Variants in MIS18A observed in about 807,000 individuals in gnomAD.
MIS18A encodes the protein protein Mis18-alpha.
A neutral mutation model predicts 25.0 loss-of-function variants in MIS18A; 14 were observed. The observed-to-expected ratio is 0.56, with a 90% CI of 0.37 to 0.88. The LOEUF is 0.88. Among genes scored for constraint, MIS18A ranks in the 40% least tolerant of loss-of-function variants. The pLI is 0.00. For missense variants in MIS18A, 292 were observed against 290.8 expected, an observed-to-expected ratio of 1.00 and a Z score of -0.03; for synonymous variants, 134 against 118.6, an observed-to-expected ratio of 1.13 and a Z score of -0.84.
In MIS18A at chr21:32,274,813, A is replaced by C. The variant is rs913222550; in HGVS notation, c.401+17T>G. The C allele has an allele frequency of 6.3e-7, 1 of 1,587,576 alleles. No individual in the cohort carries two copies. The highest frequency in any genetic ancestry group is 1.3e-5 in the African/African-American group (1 of 74,166). ...GAAAATTCTCTAACATATTCATATA[A>C]ATACAGTTTTACTCACCAACCATTT... On this transcript the variant is annotated intron_variant, in intron 2 of 4. Coordinates refer to ENST00000290130, the MANE Select transcript of MIS18A (RefSeq NM_018944.3).
At chr21:32,173,777 G>C in the MIS18A span, among the ~76,000 whole-genome samples, 1 of 151,964 alleles carries the variant, frequency 6.6e-6, no homozygotes, top group Admixed American at 6.6e-5. Context: ...GGGTAATGAA[G>C]AATGACTGCT....
chr21:32,239,714 C>T, the MIS18A span, among the ~76,000 whole-genome samples: 2 of 152,114 alleles, frequency 1.3e-5, no homozygotes, highest in Non-Finnish European at 2.9e-5. Flanking sequence ...GAAAACAGAA[C>T]GGGAAAAGGG....
At chr21:32,177,164 G>A in the MIS18A span, among the ~76,000 whole-genome samples, 1 of 152,128 alleles carries the variant, frequency 6.6e-6, no homozygotes, top group African/African-American at 2.4e-5. Context: ...TTAAAACTCA[G>A]TTAATGAGTT....
the MIS18A span, among the ~76,000 whole-genome samples, chr21:32,258,826 G>A: frequency 6.6e-6 from 1 of 150,578 alleles, no homozygotes; most frequent in African/African-American, 2.4e-5. Context: ...GAGGCGTGAG[G>A]GTCTGCATTT....
chr21:32,252,506 A>G, the MIS18A span, among the ~76,000 whole-genome samples: 1 of 152,250 alleles, frequency 6.6e-6, no homozygotes, highest in South Asian at 2.1e-4. Context: ...GCATTGGATA[A>G]CTGCAAGGGA....
rs184134417 is a variant in MIS18A at position 32,273,333 on chromosome 21, C to G, written c.401+1497G>C. Among the ~76,000 whole-genome samples the G allele has an allele frequency of 1.3e-4, 20 of 152,118 alleles. No individual in the cohort carries two copies. In the East Asian group the frequency reaches 3.7e-3, roughly 28 times the overall value. ...TGATAATCTCTAGCCCCTCTGCCCT[C>G]GATGGAGGTAGGAGAAGAGGTTGGG... is the stretch of plus-strand genomic sequence containing the variant. On this transcript the variant is annotated intron_variant, in intron 2 of 4. Transcript: ENST00000290130.
chr21:32,182,516 TC>T, the MIS18A span, among the ~76,000 whole-genome samples: 1 of 152,170 alleles, frequency 6.6e-6, no homozygotes, highest in African/African-American at 2.4e-5. Flanking sequence ...GTAGACAATA[TC>T]CATTTCATCA....
chr21:32,159,946 G>C, the MIS18A span, among the ~76,000 whole-genome samples: 1 of 152,148 alleles, frequency 6.6e-6, no homozygotes, highest in Non-Finnish European at 1.5e-5. Flanking sequence ...AGACTTAAAA[G>C]GGTGCCTGAC....
the MIS18A span, among the ~76,000 whole-genome samples, chr21:32,219,276 C>T: frequency 2.6e-5 from 4 of 152,192 alleles, no homozygotes; most frequent in African/African-American, 9.6e-5. Flanking sequence ...ACTGAGATAC[C>T]CGGTTCATCT....
intron 2 of MIS18A, among the ~76,000 whole-genome samples, chr21:32,272,061 G>A (rs913893855): frequency 4.6e-5 from 7 of 152,196 alleles, no homozygotes; most frequent in African/African-American, 1.7e-4. Context: ...TCATCTTGTG[G>A]AGCAATGAAG....
At chr21:32,204,360 C>T in the MIS18A span, among the ~76,000 whole-genome samples, 12 of 151,300 alleles carry the variant, frequency 7.9e-5, no homozygotes, top group South Asian at 2.1e-4. Context: ...AGCCAGGCAC[C>T]GTGGCAGGCG....
intron 2 of MIS18A, among the ~76,000 whole-genome samples, chr21:32,271,671 C>G (rs969581423): frequency 2.0e-5 from 3 of 152,106 alleles, no homozygotes. Flanking sequence ...GTCTCGAACT[C>G]CTAGCCTCAA....
the MIS18A span, among the ~76,000 whole-genome samples, chr21:32,161,411 A>G: frequency 6.6e-6 from 1 of 152,132 alleles, no homozygotes; most frequent in Non-Finnish European, 1.5e-5. Context: ...AAATCAGACT[A>G]GTGTTATGGG....
the MIS18A span, among the ~76,000 whole-genome samples, chr21:32,198,976 A>G: frequency 6.6e-6 from 1 of 152,138 alleles, no homozygotes; most frequent in Non-Finnish European, 1.5e-5. Context: ...CTGAGTCAGA[A>G]CGTGTATTTC....
the MIS18A span, among the ~76,000 whole-genome samples, chr21:32,247,572 T>G: frequency 6.6e-6 from 1 of 152,138 alleles, no homozygotes; most frequent in African/African-American, 2.4e-5. Context: ...TCTCCTGAGG[T>G]AACCATATTC....
the MIS18A span, among the ~76,000 whole-genome samples, chr21:32,208,473 C>T: frequency 6.6e-6 from 1 of 152,118 alleles, no homozygotes; most frequent in African/African-American, 2.4e-5. Flanking sequence ...CTTCACCTTC[C>T]ACCATGATTG....
the MIS18A span, among the ~76,000 whole-genome samples, chr21:32,190,422 A>G: frequency 6.6e-6 from 1 of 152,110 alleles, no homozygotes; most frequent in Non-Finnish European, 1.5e-5. Flanking sequence ...TTCCTGATAG[A>G]CACCCCTGAG....
chr21:32,231,921 C>G, the MIS18A span, among the ~76,000 whole-genome samples: 2 of 152,036 alleles, frequency 1.3e-5, no homozygotes, highest in Non-Finnish European at 2.9e-5. Context: ...CAAAACAAAA[C>G]AAAACAAAAC....
chr21:32,231,498 C>T, the MIS18A span, among the ~76,000 whole-genome samples: 1 of 152,180 alleles, frequency 6.6e-6, no homozygotes, highest in East Asian at 1.9e-4. Context: ...GATATCACGT[C>T]ACACCCACTA....
Sources: gnomAD v4.1 joint callset for allele counts (sites outside exome capture counted in the v4.1 genomes callset) on GRCh38, gnomAD v4.1.1 for gene constraint, MANE v1.5 for transcripts, NCBI Gene and HGNC (gene_info 2026-07-23, HGNC 2026-07-21) for gene names.